The following RYR2 variants were observed in gnomAD, a reference collection of about 807,000 sequenced individuals.
The protein encoded by RYR2 is cardiac muscle ryanodine receptor-calcium release channel.
A neutral mutation model predicts 601.1 loss-of-function variants in RYR2; 227 were observed. The ratio of observed to expected loss-of-function variants is 0.38; its 90% CI spans 0.34 to 0.42. RYR2 has a LOEUF of 0.42. Among genes scored for constraint, RYR2 ranks in the 10% least tolerant of loss-of-function variants. The pLI, the probability that RYR2 is intolerant of heterozygous loss-of-function variation, is 1.00. For missense variants in RYR2, 4,646 were observed against 6,156.5 expected (o/e 0.75, Z 8.21); for synonymous variants, 2,223 against 2,175.1 (o/e 1.02, Z -0.61).
At chr1:237,053,802 G>A (rs546327296) in intron 1 of RYR2, among the ~76,000 whole-genome samples, 31 of 152,274 alleles carry the variant, frequency 2.0e-4, no homozygotes, top group African/African-American at 7.5e-4. Context: ...GGATGTTGAG[G>A]AGGGAGGGAT....
intron 63 of RYR2, among the ~76,000 whole-genome samples, chr1:237,693,871 A>G (rs1573547817): frequency 6.6e-6 from 1 of 152,204 alleles, no homozygotes; most frequent in East Asian, 1.9e-4. Flanking sequence ...TATCTCTCCC[A>G]AAAAACACTG....
chr1:237,370,955 C>T (rs1378568446), intron 6 of RYR2, among the ~76,000 whole-genome samples: 7 of 152,050 alleles, frequency 4.6e-5, no homozygotes, highest in Admixed American at 1.3e-4. Flanking sequence ...CCACCGCGCC[C>T]GGCCTCATTC....
chr1:237,508,874 C>G (rs1011135721), intron 23 of RYR2, among the ~76,000 whole-genome samples: 3 of 149,804 alleles, frequency 2.0e-5, no homozygotes, highest in African/African-American at 7.4e-5. Context: ...TCCCGAGTAG[C>G]TGGGACTACA....
intron 1 of RYR2, among the ~76,000 whole-genome samples, chr1:237,171,908 C>T (rs1407127664): frequency 6.6e-6 from 1 of 152,190 alleles, no homozygotes; most frequent in Non-Finnish European, 1.5e-5. Flanking sequence ...TTCTGTTTTG[C>T]CCCCAAGAGG....
intron 1 of RYR2, among the ~76,000 whole-genome samples, chr1:237,213,644 G>A (rs903181533): frequency 1.3e-5 from 2 of 152,046 alleles, no homozygotes; most frequent in African/African-American, 2.4e-5. Flanking sequence ...TTTACCCTTA[G>A]TGAATTAAGT....
chr1:237,451,144 C>A (rs958263342), intron 14 of RYR2, among the ~76,000 whole-genome samples: 1 of 152,120 alleles, frequency 6.6e-6, no homozygotes, highest in African/African-American at 2.4e-5. Flanking sequence ...CACCTATAAT[C>A]CCAGCACTTT....
chr1:237,595,776 C>T, intron 34 of RYR2, 119 bp downstream of exon 34: 2 of 1,255,264 alleles, frequency 1.6e-6, no homozygotes, highest in South Asian at 1.7e-5. Context: ...TGCCCCTGGT[C>T]TGAAAATCAG....
chr1:237,788,002 A>G lies in RYR2; in HGVS notation c.13343A>G (p.Glu4448Gly). Residue 4448 changes from glutamate to glycine, a missense_variant, in exon 92 of 105, where the codon GAA becomes GGA. Physicochemically the swap from Glu to Gly is moderately conservative, Grantham distance 98 (BLOSUM62 -2). Around this residue, in one of 17 missense-constraint regions of RYR2, gnomAD observed 364 missense variants for 442.9 expected, o/e 0.82. Coordinates refer to ENST00000366574, the MANE Select transcript of RYR2 (RefSeq NM_001035.3). ...TGTTTTCATAGGGGAGAAGATGGAG[A>G]AAAAGAAGAGAAAGCCAAGGAAGAC... ...EPEKAEGEDG[E>G]KEEKAKEDKG... The G allele has an allele frequency of 6.3e-7, 1 of 1,594,976 alleles. No individual in the cohort carries two copies. Among genetic ancestry groups the G allele is most frequent in the Non-Finnish European group, 8.5e-7 (1 of 1,169,862 alleles).
chr1:237,224,345 G>A (rs1026849367), intron 1 of RYR2, among the ~76,000 whole-genome samples: 2 of 152,162 alleles, frequency 1.3e-5, no homozygotes, highest in African/African-American at 2.4e-5. Context: ...CTGTTTAGTT[G>A]GCAAGGTTTC....
intron 101 of RYR2, among the ~76,000 whole-genome samples, chr1:237,820,881 C>A (rs1190096528): frequency 6.6e-6 from 1 of 152,130 alleles, no homozygotes; most frequent in African/African-American, 2.4e-5. Flanking sequence ...GCAGTTTTAC[C>A]CTCACAATGT....
intron 1 of RYR2, among the ~76,000 whole-genome samples, chr1:237,153,599 A>AT (rs35946100): frequency 0.5 from 74,763 of 149,216 alleles, 20,121 homozygotes; most frequent in Non-Finnish European, 0.6. Context: ...TATGTGTAGC[A>AT]TTTTTTTTTT....
chr1:237,282,052 C>T (rs934179861), intron 2 of RYR2, among the ~76,000 whole-genome samples: 22 of 151,732 alleles, frequency 1.4e-4, no homozygotes, highest in Non-Finnish European at 2.6e-4. Flanking sequence ...GCAGAGTGCC[C>T]GCTGCCACTG....
intron 80 of RYR2, among the ~76,000 whole-genome samples, chr1:237,746,199 T>C (rs762584128): frequency 2.6e-5 from 4 of 152,194 alleles, no homozygotes; most frequent in Non-Finnish European, 5.9e-5. Context: ...CATAGTCTAA[T>C]AGTGGAGTTA....
At chr1:237,211,566 C>T (rs1460290962) in intron 1 of RYR2, among the ~76,000 whole-genome samples, 1 of 152,138 alleles carries the variant, frequency 6.6e-6, no homozygotes, top group Non-Finnish European at 1.5e-5. Context: ...TAGGACATTT[C>T]CTACCATTGC....
chr1:237,189,172 C>T (rs1009625012), intron 1 of RYR2, among the ~76,000 whole-genome samples: 1 of 152,272 alleles, frequency 6.6e-6, no homozygotes, highest in African/African-American at 2.4e-5. Context: ...GGCTTGTTTC[C>T]CTTAGCATGA....
chr1:237,081,378 C>T (rs1448017484), intron 1 of RYR2, among the ~76,000 whole-genome samples: 1 of 151,594 alleles, frequency 6.6e-6, no homozygotes, highest in Non-Finnish European at 1.5e-5. Flanking sequence ...CAGGTTTGTG[C>T]CCCTCAGTCC....
At chr1:237,070,008 T>C (rs892364154) in intron 1 of RYR2, among the ~76,000 whole-genome samples, 1 of 151,192 alleles carries the variant, frequency 6.6e-6, no homozygotes, top group African/African-American at 2.4e-5. Flanking sequence ...GAGGCTGGTT[T>C]GACATACCTG....
chr1:237,147,331 G>A (rs1674114709), intron 1 of RYR2, among the ~76,000 whole-genome samples: 1 of 152,056 alleles, frequency 6.6e-6, no homozygotes. Flanking sequence ...TTCTATTACT[G>A]TAAGAGGAAA....
At chr1:237,622,500 G>A (rs1679179197) in intron 38 of RYR2, among the ~76,000 whole-genome samples, 1 of 152,114 alleles carries the variant, frequency 6.6e-6, no homozygotes, top group Admixed American at 6.6e-5. Context: ...ATGAAACATA[G>A]ATGAATTTCA....
Sources: allele counts gnomAD v4.1 joint callset (sites outside exome capture counted in the v4.1 genomes callset), GRCh38; gene constraint gnomAD v4.1.1; regional missense constraint gnomAD v4.1.1; transcripts MANE v1.5; gene names NCBI Gene and HGNC (gene_info 2026-07-23, HGNC 2026-07-21).